Variants in SLIT3 observed in about 807,000 individuals in gnomAD.
The protein encoded by SLIT3 is slit homolog 3 protein.
In SLIT3, 68 loss-of-function variants were observed where a neutral mutation model predicts 184.0. That is an observed-to-expected ratio of 0.37 (90% CI 0.30 to 0.45). The LOEUF is 0.45. SLIT3 is among the 20% of genes least tolerant of loss of function. The pLI is 1.00. For synonymous variants in SLIT3, 831 were observed against 828.6 expected (o/e 1.00, Z -0.05); for missense variants, 1,707 against 2,026.0 (o/e 0.84, Z 3.02).
rs1404774589 is a variant in SLIT3, at chr5:168,777,093, ACACACACACACACCCC to A, written c.1152-2731_1152-2716del. On this transcript the variant is annotated intron_variant, in intron 12 of 35. Transcript: ENST00000519560. ...CACACACACACACACACACACACAC[ACACACACACACACCCC>A]CCATACCACACCACACCACATCAAA... is the stretch of plus-strand genomic sequence containing the variant. Among the ~76,000 whole-genome samples, 225 of 112,010 alleles carry A rather than the reference ACACACACACACACCCC, an allele frequency of 2.0e-3. 3 individuals carry two copies. The South Asian group carries it at 0.032, about 16-fold the overall frequency. The allele number at this position is 112,010 out of a possible 152,430, so 73.5% of individuals were successfully genotyped here. A position where few individuals can be genotyped will look rare whatever the true frequency, so the allele number is the denominator to read the frequency against.
At chr5:168,867,505 G>A (rs1355758088) in intron 5 of SLIT3, among the ~76,000 whole-genome samples, 1 of 152,186 alleles carries the variant, frequency 6.6e-6, no homozygotes, top group Non-Finnish European at 1.5e-5. Flanking sequence ...AATGACCAGT[G>A]GTGTGTGACT....
At chr5:168,950,589 T>G (rs1762619251) in intron 4 of SLIT3, among the ~76,000 whole-genome samples, 2 of 152,358 alleles carry the variant, frequency 1.3e-5, no homozygotes, top group South Asian at 4.1e-4. Flanking sequence ...TAAAACTTTA[T>G]TTACAGAAAC....
chr5:168,698,221 T>C (rs1328867390), intron 27 of SLIT3, among the ~76,000 whole-genome samples: 2 of 152,078 alleles, frequency 1.3e-5, no homozygotes. Flanking sequence ...TGAATTGTGT[T>C]CCCCCCAAAA....
intron 4 of SLIT3, among the ~76,000 whole-genome samples, chr5:169,193,192 A>G (rs1349395743): frequency 6.6e-6 from 1 of 152,188 alleles, no homozygotes; most frequent in Non-Finnish European, 1.5e-5. Context: ...GTTCAGACCC[A>G]CAATCCATGG....
chr5:169,018,729 C>A (rs1055490951), intron 4 of SLIT3: 4 of 152,262 alleles, frequency 2.6e-5, no homozygotes, highest in African/African-American at 9.6e-5. Context: ...CAATGCTTTG[C>A]AGTCTTCTTG....
intron 4 of SLIT3, among the ~76,000 whole-genome samples, chr5:168,925,863 A>C (rs1459941150): frequency 6.6e-6 from 1 of 152,210 alleles, no homozygotes; most frequent in Non-Finnish European, 1.5e-5. Flanking sequence ...CCAAAACAAC[A>C]CATTTCAGAG....
At chr5:168,949,413 C>T (rs1463507869) in intron 4 of SLIT3, among the ~76,000 whole-genome samples, 1 of 152,118 alleles carries the variant, frequency 6.6e-6, no homozygotes, top group East Asian at 1.9e-4. Context: ...AATCTCAGTC[C>T]TGGGAACGTA....
chr5:169,051,514 C>G (rs959750833), intron 4 of SLIT3, among the ~76,000 whole-genome samples: 3 of 152,082 alleles, frequency 2.0e-5, no homozygotes, highest in Non-Finnish European at 4.4e-5. Context: ...TTCAGGGGCC[C>G]AGGATAATTA....
intron 4 of SLIT3, among the ~76,000 whole-genome samples, chr5:168,887,721 C>G (rs1185840607): frequency 6.6e-6 from 1 of 152,126 alleles, no homozygotes; most frequent in African/African-American, 2.4e-5. Flanking sequence ...GCCATTATGA[C>G]TTATTAGACT....
chr5:169,254,654 G>A (rs7721214), intron 1 of SLIT3, among the ~76,000 whole-genome samples: 35,012 of 151,992 alleles, frequency 0.23, 4,884 homozygotes, highest in Middle Eastern at 0.35. Context: ...TTGCTCTCTC[G>A]CTCCCCTCAC....
chr5:169,019,091 G>A (rs766854368), intron 4 of SLIT3, among the ~76,000 whole-genome samples: 40 of 152,318 alleles, frequency 2.6e-4, no homozygotes, highest in Admixed American at 1.7e-3. Context: ...GACAGCAAAG[G>A]GAGAACTTTT....
intron 13 of SLIT3, 82 bp from the exon 14 acceptor site, chr5:168,773,026 C>T: frequency 4.3e-6 from 6 of 1,410,548 alleles, no homozygotes; most frequent in Non-Finnish European, 5.7e-6. Flanking sequence ...GCGCTGGGCC[C>T]TGGCAATCCA....
chr5:168,749,010 A>T (rs1754601888), intron 19 of SLIT3, among the ~76,000 whole-genome samples: 1 of 152,200 alleles, frequency 6.6e-6, no homozygotes. Context: ...TCTGTTTCTC[A>T]TGAGTACATA....
At chr5:168,998,965 G>T (rs1296355351) in intron 4 of SLIT3, among the ~76,000 whole-genome samples, 1 of 151,958 alleles carries the variant, frequency 6.6e-6, no homozygotes, top group Non-Finnish European at 1.5e-5. Flanking sequence ...CCAGGCTGGA[G>T]TGCAGTGGAG....
At chr5:168,896,683 A>G (rs1760674071) in intron 4 of SLIT3, among the ~76,000 whole-genome samples, 1 of 152,230 alleles carries the variant, frequency 6.6e-6, no homozygotes, top group Non-Finnish European at 1.5e-5. Flanking sequence ...CCCAGCCCCT[A>G]CGAGGCTGGT....
At chr5:169,192,423 CTGTG>C (rs3038088) in intron 4 of SLIT3, among the ~76,000 whole-genome samples, 2,448 of 148,176 alleles carry the variant, frequency 0.017, 52 homozygotes, top group African/African-American at 0.053. Flanking sequence ...TATATAGTCT[CTGTG>C]TGTGTGTGTG....
intron 3 of SLIT3, among the ~76,000 whole-genome samples, chr5:169,225,321 G>A (rs1764765133): frequency 6.6e-6 from 1 of 152,224 alleles, no homozygotes. Flanking sequence ...GAATAACCCA[G>A]CAAAATCTCT....
At chr5:169,142,894 G>A (rs1262794649) in intron 4 of SLIT3, among the ~76,000 whole-genome samples, 4 of 152,160 alleles carry the variant, frequency 2.6e-5, no homozygotes, top group South Asian at 2.1e-4. Flanking sequence ...ATTGGAGCTG[G>A]AAGAGAATGT....
chr5:169,011,523 C>T (rs1010373623), intron 4 of SLIT3, among the ~76,000 whole-genome samples: 2 of 152,092 alleles, frequency 1.3e-5, no homozygotes, highest in African/African-American at 4.8e-5. Context: ...GAGAAGAGAG[C>T]CGTGCAAAGA....
Sources: allele counts gnomAD v4.1 joint callset (sites outside exome capture counted in the v4.1 genomes callset), GRCh38; gene constraint gnomAD v4.1.1; transcripts MANE v1.5; gene names NCBI Gene and HGNC (gene_info 2026-07-23, HGNC 2026-07-21).